Variants in CEP83 observed in about 807,000 individuals in gnomAD.
The protein encoded by CEP83 is centrosomal protein 83, also known as centrosomal protein of 83 kDa.
In CEP83, 70 loss-of-function variants were observed where a neutral mutation model predicts 101.9. That is an observed-to-expected ratio of 0.69 (90% CI 0.57 to 0.84). The LOEUF is 0.84. CEP83 is among the 40% of genes least tolerant of loss of function. CEP83 has a pLI of 0.00. For synonymous variants in CEP83, 264 were observed against 267.9 expected (o/e 0.99, Z 0.14); for missense variants, 715 against 787.2 (o/e 0.91, Z 1.10).
At chr12:94,453,685 C>T (rs1247833945) in intron 1 of CEP83, among the ~76,000 whole-genome samples, 1 of 152,056 alleles carries the variant, frequency 6.6e-6, no homozygotes, top group Non-Finnish European at 1.5e-5. Context: ...GGAAGCATAC[C>T]ATTTCTGAAG....
At chr12:94,356,813 G>A (rs2060498225) in intron 11 of CEP83, among the ~76,000 whole-genome samples, 1 of 152,180 alleles carries the variant, frequency 6.6e-6, no homozygotes, top group Non-Finnish European at 1.5e-5. Context: ...TTGGTGGGCA[G>A]ATGAAGCTTC....
chr12:94,388,449 G>C (rs1461198960), intron 6 of CEP83, among the ~76,000 whole-genome samples: 2 of 152,226 alleles, frequency 1.3e-5, no homozygotes, highest in East Asian at 1.9e-4. Context: ...GAGAGGATGA[G>C]GGGGAAAGGG....
chr12:94,285,540 C>G, the CEP83 span, among the ~76,000 whole-genome samples: 7 of 152,156 alleles, frequency 4.6e-5, no homozygotes, highest in African/African-American at 1.7e-4. Flanking sequence ...ATCATCTTGC[C>G]AAGAGCAGTC....
chr12:94,280,235 A>G, the CEP83 span: 4 of 165,182 alleles, frequency 2.4e-5, no homozygotes, highest in Non-Finnish European at 5.3e-5. Flanking sequence ...TGAGCAAGCT[A>G]ACAGGGCCCC....
At position 94,424,322 on chromosome 12, in the gene CEP83, T is replaced by G. The variant is rs183210086; in HGVS notation, c.-102+10953A>C. ...TTTCTTTGGCCCGCCATCAGCAAAT[T>G]TGCAAAGCAAGGGATCGGATGGGGC... On this transcript the variant is annotated intron_variant, in intron 2 of 16. Coordinates refer to ENST00000397809, the MANE Select transcript of CEP83 (RefSeq NM_016122.3). 16 of 1,614,024 alleles carry G rather than the reference T, an allele frequency of 9.9e-6. No individual in the cohort carries two copies. The East Asian group carries it at 3.1e-4, about 31-fold the overall frequency.
At chr12:94,423,798 C>T in intron 2 of CEP83, 2 of 1,613,712 alleles carry the variant, frequency 1.2e-6, no homozygotes, top group Non-Finnish European at 1.7e-6. Context: ...TGTCCACTGC[C>T]ACTTGGTTCT....
At chr12:94,298,797 T>A in the CEP83 span, 2 of 1,610,114 alleles carry the variant, frequency 1.2e-6, no homozygotes, top group Non-Finnish European at 1.7e-6. Flanking sequence ...AACAAACAGG[T>A]GGGAATGTAG....
chr12:94,409,483 A>C (rs138061229), intron 4 of CEP83, among the ~76,000 whole-genome samples: 1 of 152,276 alleles, frequency 6.6e-6, no homozygotes, highest in East Asian at 1.9e-4. Flanking sequence ...TTTAATCTAT[A>C]AATACAATTG....
At position 94,412,525 on chromosome 12, in the gene CEP83, T is replaced by G. The variant is rs2063952033; in HGVS notation, c.-35A>C. 5.6e-6 allele frequency: 9 copies of G among 1,599,296 alleles called. No individual in the cohort carries two copies. The highest frequency in any genetic ancestry group is 1.7e-5 in the Admixed American group (1 of 58,100). ...AGTTTTGGCTTTCTTACTGTTTTAGTTTTCTTTCCAAGGGTATTTCCCACT... is the reference window on the plus strand; with the variant it reads ...AGTTTTGGCTTTCTTACTGTTTTAGGTTTCTTTCCAAGGGTATTTCCCACT... On this transcript the variant is annotated 5_prime_UTR_variant, in exon 3 of 17. Coordinates refer to ENST00000397809, the MANE Select transcript of CEP83 (RefSeq NM_016122.3).
At chr12:94,294,506 A>G in the CEP83 span, 2 of 1,323,614 alleles carry the variant, frequency 1.5e-6, no homozygotes, top group East Asian at 2.3e-5. Flanking sequence ...GATCCACTAT[A>G]AAAGTCTTTA....
intron 2 of CEP83, among the ~76,000 whole-genome samples, chr12:94,432,547 C>T (rs1217053444): frequency 6.6e-6 from 1 of 152,050 alleles, no homozygotes; most frequent in Non-Finnish European, 1.5e-5. Context: ...AAAAGTTGAT[C>T]TCATGGAGGT....
intron 7 of CEP83, among the ~76,000 whole-genome samples, chr12:94,377,260 C>A (rs1015447593): frequency 1.3e-5 from 2 of 152,056 alleles, no homozygotes; most frequent in East Asian, 3.9e-4. Flanking sequence ...AATCATTTGG[C>A]GACACAGTAC....
At chr12:94,314,716 A>G (rs1262282346) in intron 14 of CEP83, among the ~76,000 whole-genome samples, 1 of 152,182 alleles carries the variant, frequency 6.6e-6, no homozygotes, top group Non-Finnish European at 1.5e-5. Flanking sequence ...AACATCTCAG[A>G]AGGCTTCCTT....
chr12:94,340,267 T>C (rs1368017767), intron 11 of CEP83, among the ~76,000 whole-genome samples: 3 of 152,182 alleles, frequency 2.0e-5, no homozygotes, highest in African/African-American at 4.8e-5. Flanking sequence ...CTATTCCCCT[T>C]GGTTATTTGC....
intron 6 of CEP83, among the ~76,000 whole-genome samples, chr12:94,395,452 T>C (rs2062828258): frequency 6.6e-6 from 1 of 152,216 alleles, no homozygotes; most frequent in Non-Finnish European, 1.5e-5. Flanking sequence ...AAATTAATGA[T>C]GGCATGTTTT....
chr12:94,378,313 T>G (rs769603395), intron 7 of CEP83, among the ~76,000 whole-genome samples: 1 of 152,182 alleles, frequency 6.6e-6, no homozygotes, highest in East Asian at 1.9e-4. Context: ...TGTAAAGGCA[T>G]GTATACCTTT....
chr12:94,313,806 C>T lies in CEP83; in HGVS notation c.1708-789G>A, dbSNP rs1036900875. 3.3e-5 allele frequency among the ~76,000 whole-genome samples: 5 copies of T among 152,158 alleles called. No individual in the cohort carries two copies. The East Asian group carries it at 5.8e-4, about 18-fold the overall frequency. On this transcript the variant is annotated intron_variant, in intron 14 of 16. Transcript: ENST00000397809. The stretch of plus-strand genomic sequence containing the variant: ...GAGCCGAGATTGCACCACTGCACTC[C>T]AGCCTGGCAAAAAAGCAAGACTCTG...
chr12:94,414,768 A>G (rs1029006282), intron 2 of CEP83, among the ~76,000 whole-genome samples: 1 of 152,218 alleles, frequency 6.6e-6, no homozygotes, highest in Non-Finnish European at 1.5e-5. Flanking sequence ...TTTGGGGGTT[A>G]ATAAATATGT....
At chr12:94,283,680 A>C in the CEP83 span, among the ~76,000 whole-genome samples, 3 of 152,108 alleles carry the variant, frequency 2.0e-5, no homozygotes, top group East Asian at 3.9e-4. Flanking sequence ...CAGAGATGAA[A>C]TCATAGGAAG....
Sources: gnomAD v4.1 joint callset for allele counts (sites outside exome capture counted in the v4.1 genomes callset) on GRCh38, gnomAD v4.1.1 for gene constraint, MANE v1.5 for transcripts, NCBI Gene and HGNC (gene_info 2026-07-23, HGNC 2026-07-21) for gene names.